Variants in EIF4G1 observed in about 807,000 individuals in gnomAD.
EIF4G1 encodes EIF4-gamma.
EIF4G1 carries 4 observed loss-of-function variants against 187.8 expected under a neutral mutation model. That is an observed-to-expected ratio of 0.02 (90% CI 0.01 to 0.05). EIF4G1 has a LOEUF of 0.05. EIF4G1 is among the 10% of genes least tolerant of loss of function. The pLI, the probability that EIF4G1 is intolerant of heterozygous loss-of-function variation, is 1.00. For synonymous variants in EIF4G1, 844 were observed against 781.4 expected, an observed-to-expected ratio of 1.08 and a Z score of -1.34; for missense variants, 1,647 against 2,081.1, an observed-to-expected ratio of 0.79 and a Z score of 4.06.
At chr3:184,324,579 C>T (rs1479452675) in intron 17 of EIF4G1, among the ~76,000 whole-genome samples, 1 of 152,204 alleles carries the variant, frequency 6.6e-6, no homozygotes, top group Non-Finnish European at 1.5e-5. Flanking sequence ...CCTGCCTCAG[C>T]CTCCCAAGTA....
chr3:184,317,279 C>T (rs1722968485), intron 4 of EIF4G1, 42 bp from the exon 5 acceptor site: 2 of 1,611,720 alleles, frequency 1.2e-6, no homozygotes, highest in Non-Finnish European at 1.7e-6. Flanking sequence ...TTGTCCACTT[C>T]CTTCTCTTTA....
At position 184,335,086 on chromosome 3, in the gene EIF4G1, C is replaced by T; in HGVS notation, c.*178C>T. The stretch of plus-strand genomic sequence containing the variant: ...GCTTGGGGCTGCCTGGGCCCCCCTC[C>T]AGGATGCCGCCAGGTGTCCCTCTCC... On this transcript the variant is annotated 3_prime_UTR_variant, in exon 33 of 33. Coordinates refer to ENST00000346169, the MANE Select transcript of EIF4G1 (RefSeq NM_198241.3). The T allele has an allele frequency of 1.3e-6, 1 of 756,364 alleles. No homozygotes were observed. Among genetic ancestry groups the T allele is most frequent in the Non-Finnish European group, 2.2e-6 (1 of 464,176 alleles). The allele number at this position is 756,364 out of a possible 1,614,324, so 46.9% of individuals were successfully genotyped here.
rs951236345 is a variant in EIF4G1, at chr3:184,316,145, C to A, written c.74C>A (p.Pro25Gln). The A allele has an allele frequency of 6.8e-6, 11 of 1,614,136 alleles. No homozygotes were observed. The highest frequency in any genetic ancestry group is 1.1e-5 in the South Asian group (1 of 91,086). Residue 25 changes from proline to glutamine, a missense_variant, in exon 4 of 33, where the codon CCG becomes CAG. By Grantham distance (76) the Pro-to-Gln change is moderately conservative. Coordinates refer to ENST00000346169, the MANE Select transcript of EIF4G1 (RefSeq NM_198241.3). ...SPGLPQPAFP[P>Q]GQTAPVVFST... ...TCCCCTCTTCAGCCAGCGTTTCCCC[C>A]GGGGCAGACAGCGCCGGTGGTGTTC...
chr3:184,326,022 G>C, intron 21 of EIF4G1, 71 bp downstream of exon 21: 1 of 1,508,506 alleles, frequency 6.6e-7, no homozygotes. Flanking sequence ...TTCTAAAGTT[G>C]AGAAGGTGAC....
chr3:184,319,571 A>G (rs1723485952), intron 6 of EIF4G1, 118 bp from the exon 7 acceptor site: 3 of 734,666 alleles, frequency 4.1e-6, no homozygotes, highest in East Asian at 2.7e-5. Flanking sequence ...GGGCAGGGCA[A>G]GGCAAGGGGC....
At chr3:184,324,394 C>G (rs748346419) in intron 17 of EIF4G1, 47 bp downstream of exon 17, 2 of 1,613,404 alleles carry the variant, frequency 1.2e-6, no homozygotes, top group Non-Finnish European at 1.7e-6. Context: ...TACCTCCTTC[C>G]CTTACCCAGA....
Position 184,317,443 on chromosome 3 carries a change from C to A in EIF4G1, c.270C>A (p.Ile90=). The A allele has an allele frequency of 1.2e-6, 2 of 1,614,140 alleles. No individual in the cohort carries two copies. The highest frequency in any genetic ancestry group is 1.7e-6 in the Non-Finnish European group (2 of 1,180,024). ...VYPAGSQVMM[I]PSQISYPASQ... ...CTGCTGGATCCCAAGTAATGATGAT[C>A]CCTTCCCAGATCTCCTACCCAGCCT... is the stretch of plus-strand genomic sequence containing the variant. Residue 90 remains isoleucine (I), a synonymous_variant, in exon 5 of 33, where the codon ATC becomes ATA. Transcript: ENST00000346169.
At chr3:184,320,605 T>G in intron 7 of EIF4G1, 25 bp from the exon 8 acceptor site, 1 of 1,613,976 alleles carries the variant, frequency 6.2e-7, no homozygotes, top group Non-Finnish European at 8.5e-7. Context: ...TGCTTCCCAC[T>G]CATCTTATAG....
chr3:184,323,228 T>C lies in EIF4G1; in HGVS notation c.2075T>C (p.Leu692Pro). 6.2e-7 allele frequency: 1 copy of C among 1,614,106 alleles called. No individual in the cohort carries two copies. ...GPPRGGPGGE[L>P]PRGPAGLGPR... ...CCAAGGGGTGGGCCAGGTGGGGAGCTGCCCCGTGGGCCGGTGAGTGGGGCT... is the reference window on the plus strand; with the variant it reads ...CCAAGGGGTGGGCCAGGTGGGGAGCCGCCCCGTGGGCCGGTGAGTGGGGCT... The change falls in exon 14 of 33, where the codon CTG becomes CCG. Residue 692 changes from leucine to proline, a missense_variant. Transcript: ENST00000346169. This position sits in a 1 kb window ranked among gnomAD's most constrained non-coding sequence, Gnocchi z 6.9.
chr3:184,332,185 G>A, intron 32 of EIF4G1, 99 bp downstream of exon 32: 2 of 1,541,708 alleles, frequency 1.3e-6, no homozygotes, highest in African/African-American at 1.4e-5. Context: ...AGAAAGGTAG[G>A]TAGTCATTAG....
At position 184,328,016 on chromosome 3, in the gene EIF4G1, C is replaced by A; in HGVS notation, c.3953+14C>A. 6.2e-7 allele frequency: 1 copy of A among 1,601,564 alleles called. No individual in the cohort carries two copies. Among genetic ancestry groups the A allele is most frequent in the South Asian group, 1.1e-5 (1 of 91,042 alleles). Reference sequence around the variant, plus strand: ...GTACTACCAAGGGTATGACCAGCTTCTCTGGGCCTCCCACTTATACAGACC... The same window carrying A: ...GTACTACCAAGGGTATGACCAGCTTATCTGGGCCTCCCACTTATACAGACC... On this transcript the variant is annotated intron_variant, in intron 26 of 32. Transcript: ENST00000346169.
In EIF4G1 at chr3:184,323,380, C is replaced by T. The variant is rs114075070; in HGVS notation, c.2089-28C>T. On this transcript the variant is annotated intron_variant, in intron 14 of 32. Coordinates refer to ENST00000346169, the MANE Select transcript of EIF4G1 (RefSeq NM_198241.3). The surrounding 1 kb of genome is among the most constrained non-coding windows in gnomAD (Gnocchi z 6.9). ...TATTGTGCTGACTAGTTCCATGTCC[C>T]CTCTTGTCTTCATCCCTTGCTTAGC... 8.4e-3 allele frequency: 13,610 copies of T among 1,614,024 alleles called. 92 individuals are homozygous for T. The highest frequency in any genetic ancestry group is 0.01 in the Non-Finnish European group (11,968 of 1,179,954).
At position 184,325,376 on chromosome 3, in the gene EIF4G1, G is replaced by T; in HGVS notation, c.2961+3G>T. ...AGGACGTGCTGGATCTGCGAGGGGTGTGTGTCCCCCTCCTCCCCACTGCCA... is the reference window on the plus strand; with the variant it reads ...AGGACGTGCTGGATCTGCGAGGGGTTTGTGTCCCCCTCCTCCCCACTGCCA... On this transcript the variant is annotated splice_donor_region_variant and intron_variant, in intron 19 of 32. Coordinates refer to ENST00000346169, the MANE Select transcript of EIF4G1 (RefSeq NM_198241.3). The surrounding 1 kb of genome is among the most constrained non-coding windows in gnomAD (Gnocchi z 5.2). 6.2e-7 allele frequency: 1 copy of T among 1,614,150 alleles called. No homozygotes were observed. Among genetic ancestry groups the T allele is most frequent in the African/African-American group, 1.3e-5 (1 of 75,050 alleles).
In EIF4G1 at chr3:184,330,533, T is replaced by A. The variant is rs1357861178; in HGVS notation, c.4162-733T>A. Among the ~76,000 whole-genome samples, 4 of 152,348 alleles carry A rather than the reference T, an allele frequency of 2.6e-5. No homozygotes were observed. In the East Asian group the frequency reaches 7.7e-4, roughly 29 times the overall value. On this transcript the variant is annotated intron_variant, in intron 28 of 32. Transcript: ENST00000346169. ...AAAGAGTGATGTCTTCATAGTCTAT[T>A]GCCCCTTACAGAAAATGCACTCAGA...
rs1725520331 is a variant in EIF4G1, at chr3:184,329,070, C to T, written c.4161+80C>T. ...TGCTGTGGCCCTGAAGCTTCATGGT[C>T]CATTGGTGGAGTGGAGTGATGGTGA... On this transcript the variant is annotated intron_variant, in intron 28 of 32. Coordinates refer to ENST00000346169, the MANE Select transcript of EIF4G1 (RefSeq NM_198241.3). 3.9e-6 allele frequency: 6 copies of T among 1,519,716 alleles called. No homozygotes were observed. In the African/African-American group the frequency reaches 5.5e-5, roughly 14 times the overall value. The allele number at this position is 1,519,716 out of a possible 1,614,324, so 94.1% of individuals were successfully genotyped here.
At position 184,321,910 on chromosome 3, in the gene EIF4G1, A is replaced by G. The variant is rs373912874; in HGVS notation, c.1326A>G (p.Pro442=). ...CCCCCACCATCCCCTCTGCTACTCC[A>G]GCTACGGCTCCTTCAGCTACTTCCC... ...MAPPTIPSAT[P]ATAPSATSPA... is the part of the protein sequence containing the mutation. Residue 442 remains proline (P), a synonymous_variant, in exon 10 of 33, where the codon CCA becomes CCG. Coordinates refer to ENST00000346169, the MANE Select transcript of EIF4G1 (RefSeq NM_198241.3). The G allele has an allele frequency of 1.1e-5, 17 of 1,614,060 alleles. No individual in the cohort carries two copies. The African/African-American group carries it at 1.3e-4, about 13-fold the overall frequency.
chr3:184,325,388 C>G lies in EIF4G1; in HGVS notation c.2961+15C>G. The stretch of plus-strand genomic sequence containing the variant: ...ATCTGCGAGGGGTGTGTGTCCCCCT[C>G]CTCCCCACTGCCAGCCTGCTGCCTC... On this transcript the variant is annotated intron_variant, in intron 19 of 32. Coordinates refer to ENST00000346169, the MANE Select transcript of EIF4G1 (RefSeq NM_198241.3). The surrounding 1 kb of genome is among the most constrained non-coding windows in gnomAD (Gnocchi z 5.2). The G allele has an allele frequency of 6.2e-7, 1 of 1,614,148 alleles. No homozygotes were observed. Among genetic ancestry groups the G allele is most frequent in the Non-Finnish European group, 8.5e-7 (1 of 1,180,000 alleles).
intron 17 of EIF4G1, 67 bp from the exon 18 acceptor site, chr3:184,324,811 G>A (rs986779765): frequency 3.2e-6 from 5 of 1,555,178 alleles, no homozygotes; most frequent in Non-Finnish European, 4.4e-6. Context: ...GGATATCCAG[G>A]TAGAAAAGGG....
intron 7 of EIF4G1, chr3:184,320,380 TGAGG>T: frequency 1.4e-6 from 2 of 1,390,532 alleles, no homozygotes; most frequent in Non-Finnish European, 1.9e-6. Flanking sequence ...GGGGTAGGGA[TGAGG>T]GAGGGAGGGG....
Sources: gnomAD v4.1 joint callset for allele counts (sites outside exome capture counted in the v4.1 genomes callset) on GRCh38, gnomAD v4.1.1 for gene constraint, Gnocchi (gnomAD v3.1) non-coding constraint, MANE v1.5 for transcripts, NCBI Gene and HGNC (gene_info 2026-07-23, HGNC 2026-07-21) for gene names.